The following CHD8 variants were observed in gnomAD, a reference collection of about 807,000 sequenced individuals.
CHD8 encodes the protein ATP-dependent chromatin remodeler CHD8.
Under a neutral mutation model 279.2 loss-of-function variants are expected in CHD8, and 31 were observed. The observed-to-expected ratio is 0.11, with a 90% CI of 0.08 to 0.15. The LOEUF (loss-of-function observed/expected upper bound fraction) is 0.15. Among genes scored for constraint, CHD8 ranks in the 10% least tolerant of loss-of-function variants. The pLI, the probability that CHD8 is intolerant of heterozygous loss-of-function variation, is 1.00. For missense variants in CHD8, 2,146 were observed against 3,230.5 expected (o/e 0.66, Z 8.14); for synonymous variants, 1,081 against 1,139.6 (o/e 0.95, Z 1.04).
At chr14:21,401,575 AATT>A in intron 20 of CHD8, 62 bp from the exon 21 acceptor site, 1 of 1,043,568 alleles carries the variant, frequency 9.6e-7, no homozygotes, top group Middle Eastern at 2.1e-4. Flanking sequence ...CAAAATCAGC[AATT>A]ATGTTTTAAA....
Position 21,403,235 on chromosome 14 carries a change from A to T in CHD8, c.3519-23T>A. 1 of 1,608,486 alleles carries T rather than the reference A, an allele frequency of 6.2e-7. No individual in the cohort carries two copies. ...TACCTGTATGGGAATCGCAGAAAAA[A>T]AATGTAAGTGGCTAAGCAGAAGTGG... On this transcript the variant is annotated intron_variant, in intron 17 of 37. Transcript: ENST00000646647. The surrounding 1 kb of genome is among the most constrained non-coding windows in gnomAD (Gnocchi z 4.3).
At chr14:21,411,071 A>G (rs950008849) in intron 10 of CHD8, among the ~76,000 whole-genome samples, 27 of 152,192 alleles carry the variant, frequency 1.8e-4, no homozygotes, top group Non-Finnish European at 1.9e-4. Flanking sequence ...GTATGAAAAC[A>G]TTATCATCTG....
chr14:21,454,216 A>AGAAAC (rs1555321177), intron 1 of CHD8, among the ~76,000 whole-genome samples: 4 of 150,268 alleles, frequency 2.7e-5, no homozygotes, highest in Non-Finnish European at 5.9e-5. Context: ...AGAAAAGAAA[A>AGAAAC]GAAAACTGAC....
At chr14:21,388,154 A>G (rs1887359656) in intron 37 of CHD8, among the ~76,000 whole-genome samples, 1 of 152,206 alleles carries the variant, frequency 6.6e-6, no homozygotes, top group Admixed American at 6.5e-5. Flanking sequence ...CATATATTTT[A>G]TGTTTCAAAC....
At position 21,408,045 on chromosome 14, in the gene CHD8, G is replaced by A. The variant is rs143611448; in HGVS notation, c.2730+267C>T. 1.8e-3 allele frequency among the ~76,000 whole-genome samples: 267 copies of A among 152,224 alleles called. 1 individual carries two copies. In the East Asian group the frequency reaches 0.034, roughly 19 times the overall value. ...AATACTGTGATTAAAATTCATTGAT[G>A]CTGACAAAATTCTACTTAAAATGTG... On this transcript the variant is annotated intron_variant, in intron 13 of 37. Coordinates refer to ENST00000646647, the MANE Select transcript of CHD8 (RefSeq NM_001170629.2). This position sits in a 1 kb window ranked among gnomAD's most constrained non-coding sequence, Gnocchi z 4.3.
In CHD8 at chr14:21,403,644, T is replaced by C. The variant is rs757810969; in HGVS notation, c.3327A>G (p.Leu1109=). Residue 1109 remains leucine (L), a synonymous_variant, in exon 17 of 38, where the codon CTA becomes CTG. Transcript: ENST00000646647. This position sits in a 1 kb window ranked among gnomAD's most constrained non-coding sequence, Gnocchi z 4.3. ...YLINGAEEKI[L]TEFREACHII... The stretch of plus-strand genomic sequence containing the variant: ...TATGGCAAGCTTCACGGAATTCTGT[T>C]AGGATTTTTTCTTCAGCACCTGCCA... The C allele has an allele frequency of 3.1e-6, 5 of 1,592,728 alleles. No homozygotes were observed. The African/African-American group carries it at 6.7e-5, about 21-fold the overall frequency.
At chr14:21,393,340 G>A (rs1887632052) in intron 32 of CHD8, 86 bp from the exon 33 acceptor site, 3 of 1,554,706 alleles carry the variant, frequency 1.9e-6, no homozygotes, top group Non-Finnish European at 2.6e-6. Context: ...TTGAATAAAG[G>A]CCCAAAGAAT....
intron 2 of CHD8, chr14:21,429,751 T>C: frequency 3.4e-6 from 1 of 296,196 alleles, no homozygotes. Flanking sequence ...CAAGTGATCC[T>C]CCCGCTTCAG....
At chr14:21,390,924 G>A (rs1887506688) in intron 37 of CHD8, 23 bp downstream of exon 37, 2 of 1,168,824 alleles carry the variant, frequency 1.7e-6, no homozygotes, top group Non-Finnish European at 2.5e-6. Flanking sequence ...GGAATAGAGT[G>A]GTAATGCTGC....
chr14:21,454,629 A>G (rs1890341639), intron 1 of CHD8, among the ~76,000 whole-genome samples: 1 of 152,116 alleles, frequency 6.6e-6, no homozygotes, highest in Non-Finnish European at 1.5e-5. Context: ...TTTCAGTTTT[A>G]AACTTTCTCC....
In CHD8 at chr14:21,385,297, G is replaced by C. The variant is rs1887174721; in HGVS notation, c.*316C>G. 1 of 326,866 alleles carries C rather than the reference G, an allele frequency of 3.1e-6. No individual in the cohort carries two copies. The highest frequency in any genetic ancestry group is 5.6e-6 in the Non-Finnish European group (1 of 178,760). 20.2% of individuals were successfully genotyped at this position (326,866 alleles called of 1,614,324 possible). ...GTTCGGCCAGGAACAGGCTCTGCCA[G>C]AGGCTAGGGCCAGCGCTACATAGTC... is the stretch of plus-strand genomic sequence containing the variant. On this transcript the variant is annotated 3_prime_UTR_variant, in exon 38 of 38. Coordinates refer to ENST00000646647, the MANE Select transcript of CHD8 (RefSeq NM_001170629.2).
At chr14:21,401,675 C>G (rs1044090105) in intron 20 of CHD8, 162 bp from the exon 21 acceptor site, 7 of 588,292 alleles carry the variant, frequency 1.2e-5, no homozygotes, top group Admixed American at 6.7e-5. Flanking sequence ...ACCTCCACCC[C>G]CTGGGTTCAA....
intron 37 of CHD8, among the ~76,000 whole-genome samples, chr14:21,388,483 T>TTTTATTTA (rs201103994): frequency 6.6e-6 from 1 of 152,058 alleles, no homozygotes. Context: ...TACTACATGA[T>TTTTATTTA]TTTATTTATT....
Position 21,393,172 on chromosome 14 carries a change from A to G in CHD8, c.6402T>C (p.Asp2134=), listed in dbSNP as rs371884365. Reference sequence around the variant, plus strand: ...GAAGCTCAGGGGTCATTTGTTCTCCATCTTCATTTGGGAATCCATCTTGGG... The same window carrying G: ...GAAGCTCAGGGGTCATTTGTTCTCCGTCTTCATTTGGGAATCCATCTTGGG... ...TMSQDGFPNE[D]GEQMTPELLL... Residue 2134 remains aspartate (D), a synonymous_variant, in exon 33 of 38, where the codon GAT becomes GAC. Coordinates refer to ENST00000646647, the MANE Select transcript of CHD8 (RefSeq NM_001170629.2). 29 of 1,613,934 alleles carry G rather than the reference A, an allele frequency of 1.8e-5. No homozygotes were observed. The African/African-American group carries it at 2.8e-4, about 16-fold the overall frequency.
chr14:21,411,805 G>A (rs1393239622), intron 10 of CHD8, among the ~76,000 whole-genome samples: 5 of 152,202 alleles, frequency 3.3e-5, no homozygotes, highest in South Asian at 2.1e-4. Flanking sequence ...GCTCACGCCC[G>A]TAATCCCAGC....
Position 21,393,897 on chromosome 14 carries a change from C to T in CHD8, c.5898G>A (p.Gln1966=). The T allele has an allele frequency of 6.2e-7, 1 of 1,613,976 alleles. No homozygotes were observed. The highest frequency in any genetic ancestry group is 8.5e-7 in the Non-Finnish European group (1 of 1,179,884). Residue 1966 remains glutamine (Q), a synonymous_variant, in exon 32 of 38, where the codon CAG becomes CAA. Transcript: ENST00000646647. The part of the protein sequence containing the change: ...SFLAARMNYM[Q]NHQAGAPAPS... ...GAGCTGGTGCTCCTGCTTGATGGTT[C>T]TGCATATAATTCATACGGGCAGCCA...
Position 21,408,583 on chromosome 14 carries a change from A to T in CHD8, c.2487-28T>A. 1.3e-6 allele frequency: 2 copies of T among 1,591,912 alleles called. No individual in the cohort carries two copies. Among genetic ancestry groups the T allele is most frequent in the Non-Finnish European group, 1.7e-6 (2 of 1,168,876 alleles). On this transcript the variant is annotated intron_variant, in intron 12 of 37. Coordinates refer to ENST00000646647, the MANE Select transcript of CHD8 (RefSeq NM_001170629.2). This position sits in a 1 kb window ranked among gnomAD's most constrained non-coding sequence, Gnocchi z 4.3. Reference sequence around the variant, plus strand: ...GCAGATTCACCATGGGAAAAAAAAAATGTTAAAAGATACTATCTTTAAAAA... The same window carrying T: ...GCAGATTCACCATGGGAAAAAAAAATTGTTAAAAGATACTATCTTTAAAAA...
rs1057275346 is a variant in CHD8, at chr14:21,415,869, A to G, written c.1755T>C (p.Tyr585=). 1.5e-5 allele frequency: 25 copies of G among 1,613,812 alleles called. No homozygotes were observed. Among genetic ancestry groups the G allele is most frequent in the Non-Finnish European group, 2.1e-5 (25 of 1,179,836 alleles). ...RSNRQVKRKK[Y]TEDLDIKITD... is the part of the protein sequence containing the mutation. ...TGATCTTTATATCCAGGTCCTCTGT[A>G]TATTTTTTTCGCTTAACTTGGCGGT... Residue 585 remains tyrosine (Y), a synonymous_variant, in exon 6 of 38, where the codon TAT becomes TAC. Coordinates refer to ENST00000646647, the MANE Select transcript of CHD8 (RefSeq NM_001170629.2).
chr14:21,424,819 T>C (rs1056098312), intron 5 of CHD8, among the ~76,000 whole-genome samples: 2 of 152,180 alleles, frequency 1.3e-5, no homozygotes, highest in Non-Finnish European at 2.9e-5. Context: ...AAGTATCAGT[T>C]TGTCAATGTA....
Sources: gnomAD v4.1 joint callset for allele counts (sites outside exome capture counted in the v4.1 genomes callset) on GRCh38, gnomAD v4.1.1 for gene constraint, Gnocchi (gnomAD v3.1) non-coding constraint, MANE v1.5 for transcripts, NCBI Gene and HGNC (gene_info 2026-07-23, HGNC 2026-07-21) for gene names.